ADGRF3: variants seen among roughly 807,000 people sequenced by gnomAD.
The protein encoded by ADGRF3 is adhesion G protein-coupled receptor F3.
In ADGRF3, 85 loss-of-function variants were observed where a neutral mutation model predicts 93.2. That is an observed-to-expected ratio of 0.91 (90% CI 0.77 to 1.09). The LOEUF (loss-of-function observed/expected upper bound fraction) is 1.09, where lower values mean the gene tolerates loss of function less well. ADGRF3 is among the 50% of genes least tolerant of loss of function. The pLI is 0.00. For synonymous variants in ADGRF3, 534 were observed against 532.5 expected (o/e 1.00, Z -0.04); for missense variants, 1,125 against 1,246.2 (o/e 0.90, Z 1.46).
intron 1 of ADGRF3, among the ~76,000 whole-genome samples, chr2:26,322,319 A>G (rs1336679588): frequency 6.6e-6 from 1 of 151,824 alleles, no homozygotes; most frequent in Non-Finnish European, 1.5e-5. Context: ...AAAAAAAGAA[A>G]GCTGATGGAG....
Position 26,308,878 on chromosome 2 carries a change from T to C in ADGRF3, c.*208A>G. The C allele has an allele frequency of 1.7e-6, 1 of 582,038 alleles. No individual in the cohort carries two copies. The highest frequency in any genetic ancestry group is 2.9e-6 in the Non-Finnish European group (1 of 341,304). 36.1% of individuals were successfully genotyped at this position (582,038 alleles called of 1,614,324 possible). A position where few individuals can be genotyped will look rare whatever the true frequency, so the allele number is the denominator to read the frequency against. On this transcript the variant is annotated 3_prime_UTR_variant, in exon 14 of 14. Coordinates refer to ENST00000651242, the MANE Select transcript of ADGRF3 (RefSeq NM_001321971.2). ...ATTCATTAGGTGCCTTTAGCTAATTTTTCCTGCTATTCTTGCTGGATACTT... is the reference window on the plus strand; with the variant it reads ...ATTCATTAGGTGCCTTTAGCTAATTCTTCCTGCTATTCTTGCTGGATACTT...
intron 1 of ADGRF3, among the ~76,000 whole-genome samples, chr2:26,340,713 ATG>A (rs67617356): frequency 0.11 from 16,324 of 152,130 alleles, 2,167 homozygotes; most frequent in African/African-American, 0.32. Flanking sequence ...GGGGAGGAGG[ATG>A]TGTGTGTGGG....
intron 1 of ADGRF3, among the ~76,000 whole-genome samples, chr2:26,345,470 C>G (rs1278735283): frequency 6.6e-6 from 1 of 152,118 alleles, no homozygotes. Flanking sequence ...GTCCAAGGTT[C>G]CTAAGCAACA....
At chr2:26,309,205 A>C in intron 13 of ADGRF3, 98 bp from the exon 14 acceptor site, 1 of 1,613,456 alleles carries the variant, frequency 6.2e-7, no homozygotes, top group Non-Finnish European at 8.5e-7. Flanking sequence ...CAATCCCTTC[A>C]AGGCGTGACT....
chr2:26,342,475 TC>T, intron 1 of ADGRF3, among the ~76,000 whole-genome samples: 1 of 152,354 alleles, frequency 6.6e-6, no homozygotes, highest in South Asian at 2.1e-4. Flanking sequence ...TTTGGCTGTC[TC>T]CATTTATCTG....
rs144802277 is a variant in ADGRF3 at position 26,313,542 on chromosome 2, C to T, written c.1104G>A (p.Ser368=). Residue 368 remains serine, a synonymous_variant, in exon 8 of 14, where the codon TCG becomes TCA. Coordinates refer to ENST00000651242, the MANE Select transcript of ADGRF3 (RefSeq NM_001321971.2). ...CCTTGGTGACATTCCAGGTGAGCAC[C>T]GAGGCGTCCTCAGGGCAGGTGATGT... ...DGDITCPEDA[S]VLTWNVTKAG... The T allele has an allele frequency of 2.3e-3, 3,706 of 1,609,248 alleles. 2 individuals are homozygous for T. Among genetic ancestry groups the T allele is most frequent in the Non-Finnish European group, 2.8e-3 (3,253 of 1,179,046 alleles).
intron 1 of ADGRF3, among the ~76,000 whole-genome samples, chr2:26,345,486 C>T (rs537319396): frequency 1.2e-3 from 179 of 152,230 alleles, no homozygotes; most frequent in African/African-American, 4.2e-3. Flanking sequence ...CAACATAGAC[C>T]TGAGGGGCTT....
At chr2:26,344,849 A>C (rs1161788041) in intron 1 of ADGRF3, among the ~76,000 whole-genome samples, 1 of 152,164 alleles carries the variant, frequency 6.6e-6, no homozygotes, top group Non-Finnish European at 1.5e-5. Flanking sequence ...GAAGCTTATT[A>C]TCTACCATAT....
Position 26,311,481 on chromosome 2 carries a change from G to A in ADGRF3, c.2043C>T (p.Cys681=), listed in dbSNP as rs1371004224. The A allele has an allele frequency of 1.2e-6, 2 of 1,614,068 alleles. 1 individual carries two copies. Among genetic ancestry groups the A allele is most frequent in the South Asian group, 2.2e-5 (2 of 91,090 alleles). ...GGACGGAGAAGGCAGTGAGGTGCTG[G>A]CAGAGGCACTGAGCAGTGGGGCTGG... ...ASASPTAQCL[C]QHLTAFSVLM... Residue 681 remains cysteine (C), a synonymous_variant, in exon 10 of 14, where the codon TGC becomes TGT. Transcript: ENST00000651242.
At chr2:26,318,126 G>C in intron 1 of ADGRF3, 2 of 1,525,374 alleles carry the variant, frequency 1.3e-6, no homozygotes, top group Non-Finnish European at 1.8e-6. Context: ...GGGTCTGTCT[G>C]GTAGGGAGGT....
chr2:26,345,972 A>G (rs1327165925), intron 1 of ADGRF3, 149 bp downstream of exon 1: 5 of 712,734 alleles, frequency 7.0e-6, no homozygotes, highest in Non-Finnish European at 1.1e-5. Context: ...ATTGGACAAC[A>G]GCAGTGTCGG....
Position 26,315,555 on chromosome 2 carries a change from G to C in ADGRF3, c.685C>G (p.Leu229Val), listed in dbSNP as rs759586939. 6.4e-7 allele frequency: 1 copy of C among 1,551,322 alleles called. No homozygotes were observed. Among genetic ancestry groups the C allele is most frequent in the Middle Eastern group, 1.7e-4 (1 of 5,830 alleles). ...SVTSSHGQAALSVSNMSHHWA... is the reference protein window; with the variant it reads ...SVTSSHGQAAVSVSNMSHHWA... ...TGATGGGACATGTTGGAGACGCTGA[G>C]GGCAGCCTGGCCGTGGCTGGAAGTC... The change falls in exon 5 of 14, where the codon CTC (leucine) becomes GTC (valine). Residue 229 changes from leucine to valine, a missense_variant. Physicochemically the swap from Leu to Val is conservative, Grantham distance 32. Transcript: ENST00000651242.
At chr2:26,312,222 T>A in intron 9 of ADGRF3, 148 bp from the exon 10 acceptor site, 1 of 809,366 alleles carries the variant, frequency 1.2e-6, no homozygotes, top group Non-Finnish European at 1.9e-6. Context: ...AAGACAGGCC[T>A]GTGAAGGGAG....
rs1676763096 is a variant in ADGRF3 at position 26,346,443 on chromosome 2, G to C, written c.-209C>G. ...GAGGTCCTGCGGGTCCTGGGGATTGGGGGTCGGGGAGCGTGGGAGCATCCT... is the reference window on the plus strand; with the variant it reads ...GAGGTCCTGCGGGTCCTGGGGATTGCGGGTCGGGGAGCGTGGGAGCATCCT... On this transcript the variant is annotated 5_prime_UTR_variant, in exon 1 of 14. Transcript: ENST00000651242. The C allele has an allele frequency of 4.2e-6, 4 of 942,246 alleles. No homozygotes were observed. The South Asian group carries it at 5.6e-5, about 13-fold the overall frequency. The allele number at this position is 942,246 out of a possible 1,614,324, so 58.4% of individuals were successfully genotyped here.
intron 1 of ADGRF3, among the ~76,000 whole-genome samples, chr2:26,345,025 C>T (rs1335235630): frequency 6.6e-6 from 1 of 151,902 alleles, no homozygotes; most frequent in Non-Finnish European, 1.5e-5. Flanking sequence ...TTTCAGAGAC[C>T]CAGAGAGACT....
chr2:26,335,248 T>C (rs989268261), intron 1 of ADGRF3, among the ~76,000 whole-genome samples: 1 of 152,212 alleles, frequency 6.6e-6, no homozygotes, highest in Non-Finnish European at 1.5e-5. Flanking sequence ...GGATTTGCCA[T>C]AGAGCAAAGC....
intron 1 of ADGRF3, among the ~76,000 whole-genome samples, chr2:26,342,052 G>A (rs1258174249): frequency 2.7e-5 from 4 of 150,146 alleles, no homozygotes; most frequent in East Asian, 1.9e-4. Context: ...CAGCCTAGGC[G>A]ACAGAGCAAG....
chr2:26,328,214 CT>C (rs1675550133), intron 1 of ADGRF3, among the ~76,000 whole-genome samples: 1 of 152,092 alleles, frequency 6.6e-6, no homozygotes, highest in Non-Finnish European at 1.5e-5. Context: ...CATTGATCCC[CT>C]ATAAGTAATC....
intron 2 of ADGRF3, among the ~76,000 whole-genome samples, 183 bp downstream of exon 2, chr2:26,317,313 A>G (rs1440911533): frequency 6.6e-6 from 1 of 152,104 alleles, no homozygotes; most frequent in African/African-American, 2.4e-5. Context: ...AAATGAGTTC[A>G]TTTCCAGGCC....
Sources: gnomAD v4.1 joint callset for allele counts (sites outside exome capture counted in the v4.1 genomes callset) on GRCh38, gnomAD v4.1.1 for gene constraint, MANE v1.5 for transcripts, NCBI Gene and HGNC (gene_info 2026-07-23, HGNC 2026-07-21) for gene names.